LRRC1: variants seen among roughly 807,000 people sequenced by gnomAD.
LRRC1 encodes leucine rich repeat containing 1.
Under a neutral mutation model 69.9 loss-of-function variants are expected in LRRC1, and 28 were observed. The ratio of observed to expected loss-of-function variants is 0.40; its 90% CI spans 0.30 to 0.55. The LOEUF (loss-of-function observed/expected upper bound fraction) is 0.55, where lower values mean the gene tolerates loss of function less well. Among genes scored for constraint, LRRC1 ranks in the 20% least tolerant of loss-of-function variants. The pLI, the probability that LRRC1 is intolerant of heterozygous loss-of-function variation, is 0.47. For missense variants in LRRC1, 498 were observed against 609.0 expected (o/e 0.82, Z 1.92); for synonymous variants, 236 against 240.2 (o/e 0.98, Z 0.16).
chr6:53,904,337 A>G, intron 9 of LRRC1, 42 bp from the exon 10 acceptor site: 1 of 1,242,364 alleles, frequency 8.0e-7, no homozygotes, highest in Non-Finnish European at 1.2e-6. Flanking sequence ...AGCCATGTTA[A>G]AAATGTGTGT....
chr6:53,893,865 TGGG>T (rs956015362), intron 4 of LRRC1, among the ~76,000 whole-genome samples: 6 of 152,136 alleles, frequency 3.9e-5, no homozygotes, highest in African/African-American at 1.4e-4. Flanking sequence ...GTTAGCATGA[TGGG>T]GGTGGGAACT....
In LRRC1 at chr6:53,842,112, A is replaced by G. The variant is rs1206784966; in HGVS notation, c.162A>G (p.Gln54=). The G allele has an allele frequency of 1.9e-6, 3 of 1,606,504 alleles. No homozygotes were observed. Among genetic ancestry groups the G allele is most frequent in the African/African-American group, 1.3e-5 (1 of 74,712 alleles). ...DANQLRELPE[Q]FFQLVKLRKL... ...TGTTAAACTCTTTTGTCTTTCAGCAATTTTTCCAGCTAGTCAAATTACGAA... is the reference window on the plus strand; with the variant it reads ...TGTTAAACTCTTTTGTCTTTCAGCAGTTTTTCCAGCTAGTCAAATTACGAA... The change falls in exon 2 of 14, where the codon CAA becomes CAG. Residue 54 remains glutamine, a splice_region_variant and synonymous_variant. Coordinates refer to ENST00000370888, the MANE Select transcript of LRRC1 (RefSeq NM_018214.5).
chr6:53,868,575 T>C (rs2127426008), intron 2 of LRRC1, among the ~76,000 whole-genome samples: 1 of 152,228 alleles, frequency 6.6e-6, no homozygotes, highest in Middle Eastern at 3.4e-3. Flanking sequence ...AAAACAGCGG[T>C]CATCTCTTTT....
chr6:53,909,142 T>C (rs535656060), intron 10 of LRRC1, among the ~76,000 whole-genome samples: 1 of 152,064 alleles, frequency 6.6e-6, no homozygotes, highest in Admixed American at 6.5e-5. Context: ...CCATACCAAG[T>C]GTCCACAGAG....
At chr6:53,871,427 G>T (rs1766881532) in intron 2 of LRRC1, among the ~76,000 whole-genome samples, 4 of 152,048 alleles carry the variant, frequency 2.6e-5, no homozygotes, top group Admixed American at 1.3e-4. Context: ...TTAGCCATTT[G>T]TATGTCTTCT....
At chr6:53,864,991 C>T (rs753989966) in intron 2 of LRRC1, among the ~76,000 whole-genome samples, 2 of 152,060 alleles carry the variant, frequency 1.3e-5, no homozygotes, top group South Asian at 2.1e-4. Flanking sequence ...TGAAAGGAGG[C>T]GATTGCGTGT....
At position 53,902,757 on chromosome 6, in the gene LRRC1, G is replaced by T. The variant is rs766733572; in HGVS notation, c.906+10G>T. Reference sequence around the variant, plus strand: ...AGAAAATCAGCTCCTGGTAAGTGTGGTTTGCACATATATCATAAAGACTTA... The same window carrying T: ...AGAAAATCAGCTCCTGGTAAGTGTGTTTTGCACATATATCATAAAGACTTA... On this transcript the variant is annotated intron_variant, in intron 9 of 13. Transcript: ENST00000370888. 2.0e-6 allele frequency: 3 copies of T among 1,520,702 alleles called. No individual in the cohort carries two copies. 94.2% of individuals were successfully genotyped at this position (1,520,702 alleles called of 1,614,324 possible). A position where few individuals can be genotyped will look rare whatever the true frequency, so the allele number is the denominator to read the frequency against.
At chr6:53,915,568 C>T (rs1768537380) in intron 11 of LRRC1, among the ~76,000 whole-genome samples, 1 of 152,198 alleles carries the variant, frequency 6.6e-6, no homozygotes, top group Non-Finnish European at 1.5e-5. Context: ...TGCCACACTA[C>T]TGAGCATGAA....
At chr6:53,897,206 G>T (rs1279345912) in intron 6 of LRRC1, 79 bp from the exon 7 acceptor site, 13 of 933,518 alleles carry the variant, frequency 1.4e-5, no homozygotes, top group Non-Finnish European at 2.2e-5. Context: ...GTTAACAGAT[G>T]AATTCAGTTT....
chr6:53,889,466 A>G (rs1767605585), intron 4 of LRRC1, among the ~76,000 whole-genome samples: 1 of 152,220 alleles, frequency 6.6e-6, no homozygotes, highest in South Asian at 2.1e-4. Flanking sequence ...GATAAACAAA[A>G]TGTGGCATAT....
intron 12 of LRRC1, 113 bp from the exon 13 acceptor site, chr6:53,920,512 G>T: frequency 9.1e-7 from 1 of 1,100,286 alleles, no homozygotes; most frequent in Non-Finnish European, 1.3e-6. Context: ...CTTATTTCTG[G>T]TGTTCTACCC....
intron 10 of LRRC1, among the ~76,000 whole-genome samples, chr6:53,906,580 G>A (rs938516235): frequency 5.3e-5 from 8 of 152,028 alleles, no homozygotes; most frequent in African/African-American, 1.9e-4. Flanking sequence ...TTTCAGCATC[G>A]GTCCTCTTTT....
intron 2 of LRRC1, among the ~76,000 whole-genome samples, chr6:53,866,157 A>G (rs950083349): frequency 6.6e-6 from 1 of 152,086 alleles, no homozygotes; most frequent in African/African-American, 2.4e-5. Flanking sequence ...CCACATGTAA[A>G]AACCATCCTG....
At chr6:53,880,504 C>T (rs1408408260) in intron 3 of LRRC1, among the ~76,000 whole-genome samples, 1 of 152,186 alleles carries the variant, frequency 6.6e-6, no homozygotes, top group African/African-American at 2.4e-5. Flanking sequence ...CCTCAGTTAC[C>T]TGTGCTGGAC....
chr6:53,909,125 G>GCAGCTTACATGTTC lies in LRRC1; in HGVS notation c.990+4666_990+4667insCTTACATGTTCCAG, dbSNP rs201113715. 5.0e-3 allele frequency among the ~76,000 whole-genome samples: 764 copies of GCAGCTTACATGTTC among 152,330 alleles called. 10 individuals are homozygous for GCAGCTTACATGTTC. Among genetic ancestry groups the GCAGCTTACATGTTC allele is most frequent in the East Asian group, 0.04 (209 of 5,194 alleles). On this transcript the variant is annotated intron_variant, in intron 10 of 13. Transcript: ENST00000370888. The stretch of plus-strand genomic sequence containing the variant: ...AACATTTCTCACATTATACATGGGA[G>GCAGCTTACATGTTC]CAGGCACCATACCAAGTGTCCACAG...
intron 8 of LRRC1, 136 bp downstream of exon 8, chr6:53,900,027 T>TTG: frequency 4.2e-5 from 7 of 166,028 alleles, no homozygotes; most frequent in South Asian, 7.9e-5. Flanking sequence ...ACTGTTTTTT[T>TTG]TTTTTTTTTT....
At chr6:53,885,211 G>A (rs571332179) in intron 4 of LRRC1, among the ~76,000 whole-genome samples, 1 of 152,144 alleles carries the variant, frequency 6.6e-6, no homozygotes, top group Non-Finnish European at 1.5e-5. Flanking sequence ...AAGACCTTTT[G>A]GAAAATGCAC....
chr6:53,825,959 T>A (rs1308410163), intron 1 of LRRC1, among the ~76,000 whole-genome samples: 2 of 152,002 alleles, frequency 1.3e-5, no homozygotes, highest in East Asian at 3.9e-4. Flanking sequence ...CCCATTTGAG[T>A]AACTTACTGG....
At chr6:53,824,937 A>G (rs1241449134) in intron 1 of LRRC1, among the ~76,000 whole-genome samples, 1 of 152,192 alleles carries the variant, frequency 6.6e-6, no homozygotes, top group African/African-American at 2.4e-5. Context: ...TTAGCTCACT[A>G]TGTAGGGGAA....
Sources: allele counts gnomAD v4.1 joint callset (sites outside exome capture counted in the v4.1 genomes callset), GRCh38; gene constraint gnomAD v4.1.1; transcripts MANE v1.5; gene names NCBI Gene and HGNC (gene_info 2026-07-23, HGNC 2026-07-21).